The following NLGN4Y variants were observed in gnomAD, a reference collection of about 807,000 sequenced individuals.
NLGN4Y encodes neuroligin 4 Y-linked, also known as neuroligin-4, Y-linked.
In NLGN4Y, 4 loss-of-function variants were observed where a neutral mutation model predicts 8.4. The ratio of observed to expected loss-of-function variants is 0.48; its 90% CI spans 0.23 to 1.09. The LOEUF (loss-of-function observed/expected upper bound fraction) is 1.09, where lower values mean the gene tolerates loss of function less well. Ranked by LOEUF, NLGN4Y falls within the 50% of genes least tolerant of loss-of-function variation. The pLI, the probability that NLGN4Y is intolerant of heterozygous loss-of-function variation, is 0.19. For missense variants in NLGN4Y, 90 were observed against 192.3 expected, an observed-to-expected ratio of 0.47 and a Z score of 3.15; for synonymous variants, 35 against 75.6, an observed-to-expected ratio of 0.46 and a Z score of 2.78.
chrY:14,791,475 A>G (rs2042985784), intron 4 of NLGN4Y, among the ~76,000 whole-genome samples: 1 of 33,015 alleles, frequency 3.0e-5, no homozygotes, highest in Non-Finnish European at 7.4e-5. Flanking sequence ...GGCATCTACC[A>G]AATTCTCTAA....
intron 1 of NLGN4Y, among the ~76,000 whole-genome samples, chrY:14,605,175 A>C: frequency 3.1e-5 from 1 of 32,099 alleles, no homozygotes; most frequent in East Asian, 8.2e-4. Flanking sequence ...CCTATTTAGT[A>C]GTCCTGAGTT....
chrY:14,789,830 C>G, intron 4 of NLGN4Y, among the ~76,000 whole-genome samples: 1 of 33,782 alleles, frequency 3.0e-5, no homozygotes, highest in Non-Finnish European at 7.3e-5. Flanking sequence ...TGCCCTTTCT[C>G]AGATGAGTCT....
At chrY:14,574,902 A>G (rs1008341990) in intron 1 of NLGN4Y, among the ~76,000 whole-genome samples, 14 of 33,340 alleles carry the variant, frequency 4.2e-4, no homozygotes, top group Admixed American at 1.9e-3. Flanking sequence ...TTCTTTAAGG[A>G]TGTTGAATAT....
intron 6 of NLGN4Y, 120 bp from the exon 7 acceptor site, chrY:14,840,293 T>G: frequency 4.6e-6 from 1 of 215,471 alleles, no homozygotes; most frequent in Non-Finnish European, 7.7e-6. Flanking sequence ...GGGTATTTTG[T>G]GCTCATTGAT....
upstream of NLGN4Y, chrY:14,523,484 T>TAC (rs779853157): frequency 1.8e-4 from 21 of 115,866 alleles, no homozygotes; most frequent in Non-Finnish European, 3.3e-4. Context: ...TATATATATG[T>TAC]ACACACACAC....
chrY:14,744,181 CAT>C (rs2081017677), intron 4 of NLGN4Y, among the ~76,000 whole-genome samples: 5 of 33,665 alleles, frequency 1.5e-4, no homozygotes, highest in Non-Finnish European at 1.5e-4. Flanking sequence ...CTTATGGACA[CAT>C]ATGTGTATAC....
chrY:14,669,722 T>C (rs2080703863), intron 2 of NLGN4Y, among the ~76,000 whole-genome samples: 1 of 33,760 alleles, frequency 3.0e-5, no homozygotes, highest in African/African-American at 1.2e-4. Flanking sequence ...TAAGACTTGA[T>C]TCTCTTTATA....
intron 4 of NLGN4Y, among the ~76,000 whole-genome samples, chrY:14,812,323 TG>T (rs2043084069): frequency 3.0e-5 from 1 of 33,704 alleles, no homozygotes; most frequent in Non-Finnish European, 7.3e-5. Context: ...TGTATATTTT[TG>T]TTGTCGATGT....
intron 2 of NLGN4Y, among the ~76,000 whole-genome samples, chrY:14,685,501 G>A: frequency 3.1e-5 from 1 of 32,434 alleles, no homozygotes; most frequent in Non-Finnish European, 7.6e-5. Context: ...TCTGACGTTG[G>A]CGTGAACACG....
chrY:14,627,848 A>G, intron 2 of NLGN4Y, among the ~76,000 whole-genome samples: 1 of 34,288 alleles, frequency 2.9e-5, no homozygotes. Flanking sequence ...TCACCTCTCA[A>G]TGGGACTGAA....
In NLGN4Y at chrY:14,663,068, T is replaced by C; in HGVS notation, c.472+40477T>C. ...GATAACCATCTTTTGATTCTCTATA[T>C]TTATGAATTCAATTGTTTCAATTTT... On this transcript the variant is annotated intron_variant, in intron 2 of 6. Coordinates refer to ENST00000684976, the MANE Select transcript of NLGN4Y (RefSeq NM_001365588.1). 8.9e-5 allele frequency among the ~76,000 whole-genome samples: 3 copies of C among 33,674 alleles called. No individual in the cohort carries two copies. The South Asian group carries it at 2.0e-3, about 22-fold the overall frequency. 90.3% of individuals were successfully genotyped at this position (33,674 alleles called of 37,273 possible).
chrY:14,664,236 C>G, intron 2 of NLGN4Y, among the ~76,000 whole-genome samples: 1 of 33,419 alleles, frequency 3.0e-5, no homozygotes, highest in Non-Finnish European at 7.4e-5. Context: ...ATTGGTATGG[C>G]TTTTGTTTCT....
intron 4 of NLGN4Y, among the ~76,000 whole-genome samples, chrY:14,802,709 A>ATT: frequency 1.9e-4 from 2 of 10,694 alleles, no homozygotes; most frequent in African/African-American, 7.8e-4. Context: ...TTTAAATTAA[A>ATT]ATATAATTTA....
intron 4 of NLGN4Y, among the ~76,000 whole-genome samples, chrY:14,818,145 C>G: frequency 3.2e-5 from 1 of 31,604 alleles, no homozygotes; most frequent in South Asian, 7.5e-4. Flanking sequence ...ATTTTTTGCC[C>G]TTCCGAACTG....
intron 6 of NLGN4Y, 127 bp downstream of exon 6, chrY:14,830,646 A>C: frequency 4.9e-6 from 1 of 202,188 alleles, no homozygotes; most frequent in South Asian, 3.7e-5. Flanking sequence ...TACAGACACA[A>C]GCTTACACAC....
intron 1 of NLGN4Y, among the ~76,000 whole-genome samples, chrY:14,614,350 G>A (rs2080480141): frequency 3.1e-5 from 1 of 32,423 alleles, no homozygotes; most frequent in South Asian, 7.5e-4. Flanking sequence ...TTTGTCAGAT[G>A]GGTAGATTGC....
intron 4 of NLGN4Y, among the ~76,000 whole-genome samples, chrY:14,806,470 C>G (rs745983261): frequency 3.2e-5 from 1 of 31,098 alleles, no homozygotes; most frequent in Non-Finnish European, 7.7e-5. Flanking sequence ...TTTGTTGAAG[C>G]CTATAAAAGT....
chrY:14,610,748 T>C (rs2080464618), intron 1 of NLGN4Y, among the ~76,000 whole-genome samples: 1 of 32,617 alleles, frequency 3.1e-5, no homozygotes, highest in Non-Finnish European at 7.5e-5. Flanking sequence ...GTTCAAGTCC[T>C]GAATATATTT....
At chrY:14,690,964 C>T (rs997562813) in intron 2 of NLGN4Y, among the ~76,000 whole-genome samples, 1 of 32,857 alleles carries the variant, frequency 3.0e-5, no homozygotes. Flanking sequence ...CATGGGCTGA[C>T]GCTGTCAGGG....
Sources: gnomAD v4.1 joint callset for allele counts (sites outside exome capture counted in the v4.1 genomes callset) on GRCh38, gnomAD v4.1.1 for gene constraint, MANE v1.5 for transcripts, NCBI Gene and HGNC (gene_info 2026-07-23, HGNC 2026-07-21) for gene names.